SRP72: variants seen among roughly 807,000 people sequenced by gnomAD.
SRP72 encodes the protein signal recognition particle subunit SRP72.
A neutral mutation model predicts 96.3 loss-of-function variants in SRP72; 49 were observed. The ratio of observed to expected loss-of-function variants is 0.51; its 90% CI spans 0.40 to 0.65. The LOEUF (loss-of-function observed/expected upper bound fraction) is 0.65. Ranked by LOEUF, SRP72 falls within the 30% of genes least tolerant of loss-of-function variation. SRP72 has a pLI of 0.00. For synonymous variants in SRP72, 267 were observed against 275.2 expected (o/e 0.97, Z 0.30); for missense variants, 736 against 793.3 (o/e 0.93, Z 0.87).
rs1206074460 is a variant in SRP72, at chr4:56,503,150, A to G, written c.*1289A>G. 5 of 152,220 alleles carry G rather than the reference A, an allele frequency of 3.3e-5. No individual in the cohort carries two copies. The highest frequency in any genetic ancestry group is 1.2e-4 in the African/African-American group (5 of 41,452). The allele number at this position is 152,220 out of a possible 1,614,324, so 9.4% of individuals were successfully genotyped here. A position where few individuals can be genotyped will look rare whatever the true frequency, so the allele number is the denominator to read the frequency against. On this transcript the variant is annotated 3_prime_UTR_variant, in exon 19 of 19. Transcript: ENST00000642900. ...TTATGAAAGACTTTCCTCCTTTACA[A>G]GAAAGAAATGGGGTGCTGCCTTTCT...
intron 5 of SRP72, 163 bp downstream of exon 5, chr4:56,474,554 T>TA (rs1381488067): frequency 1.5e-6 from 1 of 670,280 alleles, no homozygotes; most frequent in Non-Finnish European, 2.5e-6. Flanking sequence ...TTTTTTTTTT[T>TA]ATGGAGTGGG....
chr4:56,470,236 A>G (rs910111530), intron 2 of SRP72, among the ~76,000 whole-genome samples: 19 of 152,350 alleles, frequency 1.2e-4, no homozygotes, highest in African/African-American at 3.6e-4. Context: ...AAAAATTTAT[A>G]TATGCATTTG....
chr4:56,488,038 GA>G, intron 12 of SRP72, 25 bp downstream of exon 12: 1 of 1,534,632 alleles, frequency 6.5e-7, no homozygotes, highest in Non-Finnish European at 8.9e-7. Flanking sequence ...TTACAAAATT[GA>G]AAAGTAGTTG....
chr4:56,500,446 T>G, intron 17 of SRP72, 90 bp from the exon 18 acceptor site: 1 of 1,278,856 alleles, frequency 7.8e-7, no homozygotes, highest in Non-Finnish European at 1.1e-6. Context: ...ATTTTAATGT[T>G]ATTTATTCCC....
chr4:56,468,634 C>G (rs146895773), intron 1 of SRP72, among the ~76,000 whole-genome samples: 1 of 151,890 alleles, frequency 6.6e-6, no homozygotes, highest in Non-Finnish European at 1.5e-5. Flanking sequence ...ACATGCAAAG[C>G]TATCTAAGTA....
chr4:56,468,210 C>CTGG (rs1719825300), intron 1 of SRP72, among the ~76,000 whole-genome samples: 1 of 152,104 alleles, frequency 6.6e-6, no homozygotes, highest in African/African-American at 2.4e-5. Context: ...AGTTTAGAGG[C>CTGG]TGGTGCTAAC....
Position 56,495,367 on chromosome 4 carries a change from T to A in SRP72, c.1651T>A (p.Leu551Met). ...SQPKEQGQGDLKKKKKKKKGK... is the reference protein window; with the variant it reads ...SQPKEQGQGDMKKKKKKKKGK... ...TTTTTCTCTTTGTAGACAGGGAGAT[T>A]TGAAAAAGAAGAAAAAGAAAAAGAA... The change falls in exon 17 of 19, where the codon TTG (leucine) becomes ATG (methionine). Residue 551 changes from leucine (L) to methionine (M), a missense_variant. Around this residue, in one of 3 missense-constraint regions of SRP72, gnomAD observed 388 missense variants for 431.8 expected, o/e 0.90. Coordinates refer to ENST00000642900, the MANE Select transcript of SRP72 (RefSeq NM_006947.4). 1 of 1,497,216 alleles carries A rather than the reference T, an allele frequency of 6.7e-7. No homozygotes were observed. The highest frequency in any genetic ancestry group is 9.2e-7 in the Non-Finnish European group (1 of 1,086,098). The allele number at this position is 1,497,216 out of a possible 1,614,324, so 92.7% of individuals were successfully genotyped here. A position where few individuals can be genotyped will look rare whatever the true frequency, so the allele number is the denominator to read the frequency against.
At chr4:56,489,823 A>G (rs1419716022) in intron 13 of SRP72, among the ~76,000 whole-genome samples, 9 of 152,192 alleles carry the variant, frequency 5.9e-5, no homozygotes, top group Admixed American at 2.0e-4. Context: ...GGGTGGTAGT[A>G]ATTAGTACAA....
chr4:56,486,866 G>A (rs558740610), intron 11 of SRP72, among the ~76,000 whole-genome samples: 3 of 152,272 alleles, frequency 2.0e-5, no homozygotes, highest in East Asian at 1.9e-4. Context: ...GAGAACTGAT[G>A]TGTTTGAATC....
At position 56,495,337 on chromosome 4, in the gene SRP72, A is replaced by AG; in HGVS notation, c.1641-20_1641-19insG. The AG allele has an allele frequency of 6.9e-7, 1 of 1,450,934 alleles. No homozygotes were observed. Among genetic ancestry groups the AG allele is most frequent in the Non-Finnish European group, 9.5e-7 (1 of 1,051,752 alleles). The allele number at this position is 1,450,934 out of a possible 1,614,324, so 89.9% of individuals were successfully genotyped here. A position where few individuals can be genotyped will look rare whatever the true frequency, so the allele number is the denominator to read the frequency against. On this transcript the variant is annotated intron_variant, in intron 16 of 18. Transcript: ENST00000642900. ...ATATTTTATCACAAAGATGGTAATG[A>AG]TTTTTTTTTCTCTTTGTAGACAGGG...
In SRP72 at chr4:56,500,556, G is replaced by T; in HGVS notation, c.1699G>T (p.Asp567Tyr). The T allele has an allele frequency of 6.2e-7, 1 of 1,613,186 alleles. No homozygotes were observed. The highest frequency in any genetic ancestry group is 1.1e-5 in the South Asian group (1 of 90,992). Residue 567 changes from aspartate (D) to tyrosine (Y), a missense_variant, in exon 18 of 19, where the codon GAC becomes TAC. Asp to Tyr is a radical substitution (Grantham distance 160, BLOSUM62 -3). Coordinates refer to ENST00000642900, the MANE Select transcript of SRP72 (RefSeq NM_006947.4). ...TGCAGGAAAATTGCCTAAGAATTAT[G>T]ACCCAAAAGTTACCCCAGATCCAGA... is the stretch of plus-strand genomic sequence containing the variant. ...KKKGKLPKNYDPKVTPDPERW... is the reference protein window; with the variant it reads ...KKKGKLPKNYYPKVTPDPERW...
rs768569932 is a variant in SRP72, at chr4:56,490,440, A to G, written c.1424+4A>G. The G allele has an allele frequency of 5.6e-6, 9 of 1,612,890 alleles. No individual in the cohort carries two copies. In the South Asian group the frequency reaches 8.8e-5, roughly 16 times the overall value. On this transcript the variant is annotated splice_donor_region_variant and intron_variant, in intron 14 of 18. Coordinates refer to ENST00000642900, the MANE Select transcript of SRP72 (RefSeq NM_006947.4). ...GTGACCTACAACAGCTGTGGAAGTAAGCTCTGAAACGTGGAGTTGTAGAAA... is the reference window on the plus strand; with the variant it reads ...GTGACCTACAACAGCTGTGGAAGTAGGCTCTGAAACGTGGAGTTGTAGAAA...
intron 3 of SRP72, among the ~76,000 whole-genome samples, chr4:56,472,781 C>T (rs936489356): frequency 3.3e-5 from 5 of 152,090 alleles, no homozygotes; most frequent in African/African-American, 1.2e-4. Context: ...GATTGTAGGT[C>T]TATAAAAAAC....
At chr4:56,475,951 C>A (rs1475448472) in intron 5 of SRP72, 1 of 151,972 alleles carries the variant, frequency 6.6e-6, no homozygotes, top group African/African-American at 2.4e-5. Flanking sequence ...TAAATTTTAC[C>A]ATAATCACAA....
rs765069075 is a variant in SRP72 at position 56,502,725 on chromosome 4, C to G, written c.*864C>G. The G allele has an allele frequency of 2.6e-5, 4 of 151,912 alleles. No individual in the cohort carries two copies. Among genetic ancestry groups the G allele is most frequent in the Admixed American group, 6.6e-5 (1 of 15,236 alleles). The allele number at this position is 151,912 out of a possible 1,614,324, so 9.4% of individuals were successfully genotyped here. On this transcript the variant is annotated 3_prime_UTR_variant, in exon 19 of 19. Transcript: ENST00000642900. Reference sequence around the variant, plus strand: ...TCAAGAACATGAACATTGGCTTCCTCCATAGAGAAGAAATCAGTATCTGAG... The same window carrying G: ...TCAAGAACATGAACATTGGCTTCCTGCATAGAGAAGAAATCAGTATCTGAG...
chr4:56,475,191 A>T (rs952625239), intron 5 of SRP72, among the ~76,000 whole-genome samples: 9 of 150,770 alleles, frequency 6.0e-5, no homozygotes, highest in Admixed American at 4.0e-4. Context: ...ATCACAGTTT[A>T]CTGTCAAATG....
rs1721309254 is a variant in SRP72 at position 56,502,713 on chromosome 4, C to CA, written c.*853dup. The CA allele has an allele frequency of 6.6e-6, 1 of 151,982 alleles. No individual in the cohort carries two copies. Among genetic ancestry groups the CA allele is most frequent in the South Asian group, 2.1e-4 (1 of 4,812 alleles). 9.4% of individuals were successfully genotyped at this position (151,982 alleles called of 1,614,324 possible). ...TAATGACTGTTATCAAGAACATGAA[C>CA]ATTGGCTTCCTCCATAGAGAAGAAA... On this transcript the variant is annotated 3_prime_UTR_variant, in exon 19 of 19. Coordinates refer to ENST00000642900, the MANE Select transcript of SRP72 (RefSeq NM_006947.4).
chr4:56,473,740 A>G (rs1720083478), intron 3 of SRP72, among the ~76,000 whole-genome samples: 1 of 151,988 alleles, frequency 6.6e-6, no homozygotes, highest in African/African-American at 2.4e-5. Context: ...TCTCCAGTCT[A>G]GGCAACAAGA....
intron 16 of SRP72, 184 bp from the exon 17 acceptor site, chr4:56,495,173 A>G: frequency 2.6e-6 from 1 of 391,730 alleles, no homozygotes; most frequent in Non-Finnish European, 4.7e-6. Flanking sequence ...AAATTATAGT[A>G]TCTGAAGCTT....
Sources: allele counts gnomAD v4.1 joint callset (sites outside exome capture counted in the v4.1 genomes callset), GRCh38; gene constraint gnomAD v4.1.1; regional missense constraint gnomAD v4.1.1; transcripts MANE v1.5; gene names NCBI Gene and HGNC (gene_info 2026-07-23, HGNC 2026-07-21).